Variants in SLC35D4 observed in about 807,000 individuals in gnomAD.
The protein encoded by SLC35D4 is UDP-N-acetylglucosamine transporter SLC35D4.
At chr18:23,294,708 G>A in the SLC35D4 span, among the ~76,000 whole-genome samples, 2 of 152,086 alleles carry the variant, frequency 1.3e-5, no homozygotes, top group Non-Finnish European at 1.5e-5. Context: ...GCAGTGAGCT[G>A]TGACTGCACC....
At chr18:23,389,259 G>A in the SLC35D4 span, among the ~76,000 whole-genome samples, 4 of 152,122 alleles carry the variant, frequency 2.6e-5, no homozygotes, top group East Asian at 7.7e-4. Context: ...AAAGTGCTGG[G>A]ATTACAGGCA....
chr18:23,363,770 G>A, the SLC35D4 span, among the ~76,000 whole-genome samples: 2 of 152,278 alleles, frequency 1.3e-5, no homozygotes, highest in South Asian at 2.1e-4. Context: ...GATAGGAGAC[G>A]CAACTAAAAG....
At chr18:23,313,126 C>CAAAAAAAAAAAAAAAAAAAAAA in the SLC35D4 span, among the ~76,000 whole-genome samples, 23 of 29,492 alleles carry the variant, frequency 7.8e-4, 4 homozygotes, top group Non-Finnish European at 8.6e-4. Flanking sequence ...GACTACATCT[C>CAAAAAAAAAAAAAAAAAAAAAA]AAAAAAAAAA....
the SLC35D4 span, among the ~76,000 whole-genome samples, chr18:23,359,413 T>C: frequency 1.3e-5 from 2 of 150,070 alleles, no homozygotes. Flanking sequence ...GTTGTAAACA[T>C]GTTTTGCTAC....
the SLC35D4 span, chr18:23,430,768 C>G: frequency 8.2e-7 from 1 of 1,226,542 alleles, no homozygotes; most frequent in Non-Finnish European, 1.2e-6. Flanking sequence ...AAAAACATAA[C>G]CACATAACCT....
chr18:23,262,051 A>G, the SLC35D4 span, among the ~76,000 whole-genome samples: 1 of 152,202 alleles, frequency 6.6e-6, no homozygotes, highest in African/African-American at 2.4e-5. Flanking sequence ...TGCCTGTTAA[A>G]GTCTGAGAGG....
At chr18:23,404,899 T>C in the SLC35D4 span, among the ~76,000 whole-genome samples, 3 of 145,674 alleles carry the variant, frequency 2.1e-5, no homozygotes, top group South Asian at 4.2e-4. Context: ...GGCAGGAGAA[T>C]TGATTGAACC....
chr18:23,426,259 T>C, the SLC35D4 span, among the ~76,000 whole-genome samples: 2 of 152,124 alleles, frequency 1.3e-5, no homozygotes, highest in East Asian at 1.9e-4. Context: ...AAAATAATTA[T>C]AAACAAATTA....
chr18:23,327,218 T>A, the SLC35D4 span, among the ~76,000 whole-genome samples: 1 of 151,644 alleles, frequency 6.6e-6, no homozygotes, highest in Admixed American at 6.6e-5. Context: ...CTGAAGGAGA[T>A]AGAGACACAA....
the SLC35D4 span, among the ~76,000 whole-genome samples, chr18:23,419,294 CT>C: frequency 6.6e-6 from 1 of 151,194 alleles, no homozygotes; most frequent in Non-Finnish European, 1.5e-5. Context: ...TCTTTTTTTT[CT>C]TTTTTTTCTT....
the SLC35D4 span, among the ~76,000 whole-genome samples, chr18:23,433,532 T>A: frequency 6.6e-6 from 1 of 152,214 alleles, no homozygotes; most frequent in African/African-American, 2.4e-5. Context: ...TGATTACAGC[T>A]GGAACCTCCC....
At chr18:23,410,452 T>G in the SLC35D4 span, among the ~76,000 whole-genome samples, 1 of 148,198 alleles carries the variant, frequency 6.7e-6, no homozygotes, top group Non-Finnish European at 1.5e-5. Context: ...CACTCCAGCC[T>G]GGGCAAAAGA....
At chr18:23,251,413 T>G in the SLC35D4 span, among the ~76,000 whole-genome samples, 1 of 152,050 alleles carries the variant, frequency 6.6e-6, no homozygotes, top group Non-Finnish European at 1.5e-5. Flanking sequence ...ATTGCGCCAC[T>G]GTACTCCAGC....
chr18:23,365,652 A>G, the SLC35D4 span: 179 of 1,613,756 alleles, frequency 1.1e-4, 1 homozygote, highest in African/African-American at 2.2e-3. Flanking sequence ...TGAGATGCAA[A>G]TGCCAGGAGC....
the SLC35D4 span, among the ~76,000 whole-genome samples, chr18:23,381,750 T>G: frequency 6.6e-6 from 1 of 152,156 alleles, no homozygotes; most frequent in Non-Finnish European, 1.5e-5. Flanking sequence ...CCCTCATCTC[T>G]AGAATGGAAG....
chr18:23,425,350 C>A, the SLC35D4 span, among the ~76,000 whole-genome samples: 1 of 152,214 alleles, frequency 6.6e-6, no homozygotes, highest in African/African-American at 2.4e-5. Context: ...ATCCTCCCAC[C>A]TTGGCCTCCC....
At chr18:23,413,939 G>A in the SLC35D4 span, among the ~76,000 whole-genome samples, 3 of 108,282 alleles carry the variant, frequency 2.8e-5, no homozygotes, top group East Asian at 5.2e-4. Context: ...GGGAGGCTCC[G>A]CCTCAAAAAA....
At chr18:23,421,069 C>T in the SLC35D4 span, among the ~76,000 whole-genome samples, 1 of 151,694 alleles carries the variant, frequency 6.6e-6, no homozygotes, top group Non-Finnish European at 1.5e-5. Flanking sequence ...CATGGTGAAA[C>T]CCCGTCTCTA....
At chr18:23,295,575 C>T in the SLC35D4 span, among the ~76,000 whole-genome samples, 1 of 151,982 alleles carries the variant, frequency 6.6e-6, no homozygotes, top group East Asian at 1.9e-4. Context: ...GTTAAGGTCA[C>T]TCTTAGCATT....
Sources: gnomAD v4.1 joint callset for allele counts (sites outside exome capture counted in the v4.1 genomes callset) on GRCh38, gnomAD v4.1.1 for gene constraint, MANE v1.5 for transcripts, NCBI Gene and HGNC (gene_info 2026-07-23, HGNC 2026-07-21) for gene names.